The following GRIP1 variants were observed in gnomAD, a reference collection of about 807,000 sequenced individuals.
GRIP1 encodes the protein glutamate receptor interacting protein 1.
GRIP1 carries 45 observed loss-of-function variants against 129.9 expected under a neutral mutation model. That is an observed-to-expected ratio of 0.35 (90% CI 0.27 to 0.44). The LOEUF is 0.44. Ranked by LOEUF, GRIP1 falls within the 20% of genes least tolerant of loss-of-function variation. The pLI, the probability that GRIP1 is intolerant of heterozygous loss-of-function variation, is 1.00. For synonymous variants in GRIP1, 530 were observed against 520.8 expected, an observed-to-expected ratio of 1.02 and a Z score of -0.24; for missense variants, 1,196 against 1,396.8, an observed-to-expected ratio of 0.86 and a Z score of 2.29.
chr12:66,648,365 A>G (rs186803034), intron 1 of GRIP1, among the ~76,000 whole-genome samples: 13 of 152,312 alleles, frequency 8.5e-5, no homozygotes, highest in African/African-American at 3.1e-4. Flanking sequence ...ATGTATCATG[A>G]TTTGACCAAA....
chr12:66,377,823 C>G (rs117460774), intron 20 of GRIP1, among the ~76,000 whole-genome samples: 1 of 151,928 alleles, frequency 6.6e-6, no homozygotes, highest in Non-Finnish European at 1.5e-5. Context: ...GTCTTACTAC[C>G]GGATTTCAGA....
intron 1 of GRIP1, among the ~76,000 whole-genome samples, chr12:66,993,031 T>C (rs2042417028): frequency 6.6e-6 from 1 of 152,054 alleles, no homozygotes; most frequent in African/African-American, 2.4e-5. Context: ...GGAGCATCTC[T>C]TGAGCCCAGG....
chr12:66,579,498 A>G (rs900677461), intron 2 of GRIP1, among the ~76,000 whole-genome samples: 1 of 152,194 alleles, frequency 6.6e-6, no homozygotes. Context: ...CAAAGAAGTT[A>G]AAAACTTTGA....
At chr12:67,020,221 TGAATC>T (rs759593919) in intron 1 of GRIP1, among the ~76,000 whole-genome samples, 2 of 152,246 alleles carry the variant, frequency 1.3e-5, no homozygotes, top group Non-Finnish European at 2.9e-5. Flanking sequence ...TTTGATTTAA[TGAATC>T]ATTGATCTTG....
chr12:66,397,340 C>A (rs1245685209), intron 16 of GRIP1, among the ~76,000 whole-genome samples: 1 of 151,642 alleles, frequency 6.6e-6, no homozygotes, highest in African/African-American at 2.4e-5. Context: ...GTCCAAAACC[C>A]CGTCTCTACT....
At chr12:66,379,488 T>C (rs370811587) in intron 19 of GRIP1, 52 bp from the exon 20 acceptor site, 69 of 1,568,168 alleles carry the variant, frequency 4.4e-5, no homozygotes, top group Non-Finnish European at 4.6e-5. Context: ...CTTAATCCAT[T>C]GAGAAATGAC....
chr12:66,776,749 A>G (rs1436073002), intron 1 of GRIP1, among the ~76,000 whole-genome samples: 1 of 152,200 alleles, frequency 6.6e-6, no homozygotes, highest in Non-Finnish European at 1.5e-5. Context: ...TGACGCCAAT[A>G]AGAGAATACT....
intron 1 of GRIP1, among the ~76,000 whole-genome samples, chr12:66,865,107 T>C (rs1033754429): frequency 6.6e-6 from 1 of 152,154 alleles, no homozygotes; most frequent in African/African-American, 2.4e-5. Flanking sequence ...ATAAGGGAAC[T>C]GTAAGATGAA....
intron 4 of GRIP1, among the ~76,000 whole-genome samples, chr12:66,536,371 T>C (rs1427338101): frequency 6.6e-6 from 1 of 152,194 alleles, no homozygotes; most frequent in Non-Finnish European, 1.5e-5. Flanking sequence ...CAGTGGCCTA[T>C]AGTGATACCC....
At chr12:66,840,590 C>T (rs2039698270) in intron 1 of GRIP1, among the ~76,000 whole-genome samples, 1 of 152,286 alleles carries the variant, frequency 6.6e-6, no homozygotes. Context: ...TGTTATTATT[C>T]ACCTTATAAA....
At chr12:66,824,792 T>A (rs1034915806) in intron 1 of GRIP1, among the ~76,000 whole-genome samples, 1 of 152,204 alleles carries the variant, frequency 6.6e-6, no homozygotes, top group Non-Finnish European at 1.5e-5. Flanking sequence ...TATTGACTTT[T>A]ATCTTTTTTT....
chr12:66,568,747 G>T, intron 2 of GRIP1: 2 of 236,928 alleles, frequency 8.4e-6, no homozygotes, highest in Admixed American at 1.0e-4. Context: ...CCATTGACAT[G>T]GCTTGGAGAA....
At chr12:66,528,134 G>GTTTTTTTTTTTGTTTTTTT (rs1565829896) in intron 5 of GRIP1, among the ~76,000 whole-genome samples, 1 of 99,242 alleles carries the variant, frequency 1.0e-5, no homozygotes. Context: ...GAATTAGTAG[G>GTTTTTTTTTTTGTTTTTTT]TTTTTTTTTT....
At chr12:66,705,912 G>A (rs745696715) in intron 1 of GRIP1, among the ~76,000 whole-genome samples, 16 of 152,076 alleles carry the variant, frequency 1.1e-4, no homozygotes, top group Admixed American at 2.0e-4. Flanking sequence ...AACTCAAGGT[G>A]GATAAAAGAC....
At chr12:66,894,814 G>T (rs1316514542) in intron 1 of GRIP1, among the ~76,000 whole-genome samples, 2 of 152,188 alleles carry the variant, frequency 1.3e-5, no homozygotes, top group African/African-American at 4.8e-5. Context: ...CAGTTACTGT[G>T]TTGAAACATT....
At chr12:66,448,600 C>T (rs2138151575) in intron 11 of GRIP1, among the ~76,000 whole-genome samples, 1 of 152,214 alleles carries the variant, frequency 6.6e-6, no homozygotes, top group East Asian at 1.9e-4. Context: ...TGTCAAACTC[C>T]AGTGATGGAT....
chr12:66,615,981 A>G (rs2065024385), intron 1 of GRIP1, among the ~76,000 whole-genome samples: 1 of 152,184 alleles, frequency 6.6e-6, no homozygotes, highest in Non-Finnish European at 1.5e-5. Flanking sequence ...CGATGCCTGC[A>G]TTCAAACGTA....
chr12:66,821,210 C>T (rs990911596), intron 1 of GRIP1, among the ~76,000 whole-genome samples: 2 of 152,088 alleles, frequency 1.3e-5, no homozygotes, highest in African/African-American at 4.8e-5. Context: ...CAACCTAGCC[C>T]TTTTCTAGTA....
At chr12:66,518,049 T>G in intron 5 of GRIP1, 73 bp from the exon 6 acceptor site, 1 of 866,834 alleles carries the variant, frequency 1.2e-6, no homozygotes, top group Middle Eastern at 2.2e-4. Context: ...CTACAAGATA[T>G]CAGCTGAGAA....
Sources: allele counts gnomAD v4.1 joint callset (sites outside exome capture counted in the v4.1 genomes callset), GRCh38; gene constraint gnomAD v4.1.1; transcripts MANE v1.5; gene names NCBI Gene and HGNC (gene_info 2026-07-23, HGNC 2026-07-21).